Variants in MTHFSD observed in about 807,000 individuals in gnomAD.
The protein encoded by MTHFSD is methenyltetrahydrofolate synthase domain-containing protein.
In MTHFSD, 37 loss-of-function variants were observed where a neutral mutation model predicts 31.1. That is an observed-to-expected ratio of 1.19 (90% confidence interval 0.91 to 1.56). The LOEUF (loss-of-function observed/expected upper bound fraction) is 1.56, where lower values mean the gene tolerates loss of function less well. MTHFSD is among the 40% of genes most tolerant of loss of function. The pLI is 0.00. For synonymous variants in MTHFSD, 221 were observed against 206.9 expected (o/e 1.07, Z -0.59); for missense variants, 664 against 510.1 (o/e 1.30, Z -2.91).
At chr16:86,539,167 G>A (rs1019364122) in intron 7 of MTHFSD, among the ~76,000 whole-genome samples, 10 of 152,218 alleles carry the variant, frequency 6.6e-5, no homozygotes, top group African/African-American at 2.4e-4. Flanking sequence ...GGGGGTCTCT[G>A]CAAAGCACCT....
At chr16:86,540,917 C>T in intron 7 of MTHFSD, 1 of 1,134,466 alleles carries the variant, frequency 8.8e-7, no homozygotes, top group Non-Finnish European at 1.1e-6. Flanking sequence ...CCCGGCTGGG[C>T]TGTGGCAAAA....
intron 3 of MTHFSD, among the ~76,000 whole-genome samples, chr16:86,550,699 C>G (rs1973019524): frequency 6.6e-6 from 1 of 152,224 alleles, no homozygotes; most frequent in South Asian, 2.1e-4. Flanking sequence ...CGACTGCCGT[C>G]CTTCCTTGCT....
intron 5 of MTHFSD, among the ~76,000 whole-genome samples, chr16:86,543,619 A>G (rs74849128): frequency 0.012 from 1,845 of 152,302 alleles, 13 homozygotes; most frequent in Non-Finnish European, 0.018. Flanking sequence ...AAGGGGCTCT[A>G]AGACACAGTC....
At chr16:86,543,794 G>A (rs1338349403) in intron 5 of MTHFSD, among the ~76,000 whole-genome samples, 1 of 152,242 alleles carries the variant, frequency 6.6e-6, no homozygotes, top group Non-Finnish European at 1.5e-5. Context: ...CACACAGCAC[G>A]AGGTGGGCAG....
intron 7 of MTHFSD, among the ~76,000 whole-genome samples, chr16:86,539,709 G>A (rs536375512): frequency 3.3e-5 from 5 of 152,304 alleles, no homozygotes; most frequent in South Asian, 2.1e-4. Flanking sequence ...CAAACAGAGC[G>A]TGTATTAGAC....
At chr16:86,535,793 C>G (rs4843391) in intron 7 of MTHFSD, among the ~76,000 whole-genome samples, 137,733 of 152,210 alleles carry the variant, frequency 0.9, 62,342 homozygotes, top group South Asian at 0.93. Context: ...TTTTCTTTCT[C>G]ACTCTTGCAT....
intron 3 of MTHFSD, among the ~76,000 whole-genome samples, chr16:86,549,227 T>C (rs1972776770): frequency 6.6e-6 from 1 of 152,218 alleles, no homozygotes; most frequent in Admixed American, 6.5e-5. Flanking sequence ...TCAGCCCCTC[T>C]GGGGGTGGGG....
Position 86,542,936 on chromosome 16 carries a change from T to G in MTHFSD, c.443-723A>C, listed in dbSNP as rs1468923515. On this transcript the variant is annotated intron_variant, in intron 5 of 7. Transcript: ENST00000360900. This position sits in a 1 kb window ranked among gnomAD's most constrained non-coding sequence, Gnocchi z 4.6. ...CCGCTTATGAGAAGCCTGAGGCACT[T>G]CAGAAACTGAGGCCAGCGAGTGCCA... 6.6e-6 allele frequency among the ~76,000 whole-genome samples: 1 copy of G among 152,140 alleles called. No individual in the cohort carries two copies. The highest frequency in any genetic ancestry group is 1.5e-5 in the Non-Finnish European group (1 of 68,028).
intron 7 of MTHFSD, among the ~76,000 whole-genome samples, chr16:86,538,138 T>A (rs1970971334): frequency 6.6e-6 from 1 of 152,256 alleles, no homozygotes; most frequent in Non-Finnish European, 1.5e-5. Context: ...CAGGCTGGCC[T>A]TGCCTTCGGC....
At chr16:86,546,787 G>A in intron 4 of MTHFSD, 138 bp from the exon 5 acceptor site, 1 of 708,128 alleles carries the variant, frequency 1.4e-6, no homozygotes, top group Non-Finnish European at 2.4e-6. Flanking sequence ...CCGGAGATGT[G>A]GCGTTTCAGG....
At chr16:86,535,281 G>A in intron 7 of MTHFSD, 1 of 985,432 alleles carries the variant, frequency 1.0e-6, no homozygotes, top group Non-Finnish European at 1.2e-6. Context: ...GTGTTTGTGG[G>A]TAAAGGATGA....
intron 7 of MTHFSD, chr16:86,532,714 G>A (rs745976982): frequency 1.9e-5 from 7 of 362,112 alleles, no homozygotes; most frequent in African/African-American, 2.1e-5. Context: ...CAGCACTCAC[G>A]GGGGCTCTGG....
chr16:86,553,531 G>A, intron 2 of MTHFSD: 1 of 152,818 alleles, frequency 6.5e-6, no homozygotes, highest in Non-Finnish European at 1.5e-5. Flanking sequence ...CTGGCCCTGG[G>A]CAGTGAGGGG....
intron 7 of MTHFSD, 65 bp downstream of exon 7, chr16:86,541,632 G>A: frequency 6.4e-7 from 1 of 1,568,530 alleles, no homozygotes; most frequent in Non-Finnish European, 8.7e-7. Flanking sequence ...ATGCCAGACA[G>A]AAAACACTTA....
intron 7 of MTHFSD, among the ~76,000 whole-genome samples, chr16:86,537,833 G>A (rs1044134720): frequency 1.3e-5 from 2 of 152,214 alleles, no homozygotes; most frequent in Non-Finnish European, 2.9e-5. Context: ...GTTTCCTTGA[G>A]TATAAGCACG....
chr16:86,552,637 A>G (rs912837461), intron 2 of MTHFSD, among the ~76,000 whole-genome samples: 1 of 152,188 alleles, frequency 6.6e-6, no homozygotes, highest in Non-Finnish European at 1.5e-5. Flanking sequence ...TTTTTTAAAG[A>G]TTTCTACATG....
intron 7 of MTHFSD, among the ~76,000 whole-genome samples, chr16:86,539,317 A>G (rs1205382092): frequency 2.0e-5 from 3 of 152,204 alleles, no homozygotes; most frequent in Non-Finnish European, 4.4e-5. Context: ...TCAGTGAGCT[A>G]CCCAGAAGGA....
At chr16:86,540,990 G>A in intron 7 of MTHFSD, 1 of 1,172,990 alleles carries the variant, frequency 8.5e-7, no homozygotes, top group Non-Finnish European at 1.1e-6. Flanking sequence ...CCCAAAGGAG[G>A]GATTCAAACG....
At chr16:86,537,046 T>C (rs1001336236) in intron 7 of MTHFSD, among the ~76,000 whole-genome samples, 6 of 152,246 alleles carry the variant, frequency 3.9e-5, no homozygotes, top group African/African-American at 1.4e-4. Context: ...CAGAGATAGC[T>C]ACCTTGCTGC....
Sources: gnomAD v4.1 joint callset for allele counts (sites outside exome capture counted in the v4.1 genomes callset) on GRCh38, gnomAD v4.1.1 for gene constraint, Gnocchi (gnomAD v3.1) non-coding constraint, MANE v1.5 for transcripts, NCBI Gene and HGNC (gene_info 2026-07-23, HGNC 2026-07-21) for gene names.